Variants in ZPBP observed in about 807,000 individuals in gnomAD.
ZPBP encodes the protein zona pellucida binding protein.
Under a neutral mutation model 44.8 loss-of-function variants are expected in ZPBP, and 26 were observed. That is an observed-to-expected ratio of 0.58 (90% CI 0.43 to 0.81). ZPBP has a LOEUF of 0.81. Among genes scored for constraint, ZPBP ranks in the 30% least tolerant of loss-of-function variants. ZPBP has a pLI of 0.00. For missense variants in ZPBP, 409 were observed against 434.0 expected, an observed-to-expected ratio of 0.94 and a Z score of 0.51; for synonymous variants, 174 against 153.2, an observed-to-expected ratio of 1.14 and a Z score of -1.00.
At chr7:50,070,388 A>G (rs940061910) in intron 3 of ZPBP, among the ~76,000 whole-genome samples, 1 of 152,140 alleles carries the variant, frequency 6.6e-6, no homozygotes, top group South Asian at 2.1e-4. Context: ...AAGTGCTGGT[A>G]TTGTCCTACA....
At chr7:49,936,945 CA>C (rs1794638208), downstream of ZPBP, among the ~76,000 whole-genome samples, 1 of 151,848 alleles carries the variant, frequency 6.6e-6, no homozygotes, top group South Asian at 2.1e-4. Context: ...TCTAAAATGC[CA>C]AAAAGGTAAT....
chr7:50,046,219 T>C (rs1036941499), intron 4 of ZPBP, among the ~76,000 whole-genome samples: 3 of 152,164 alleles, frequency 2.0e-5, no homozygotes, highest in Non-Finnish European at 4.4e-5. Flanking sequence ...GGCAATGCCA[T>C]TCAGGACATA....
intron 7 of ZPBP, among the ~76,000 whole-genome samples, chr7:49,952,498 T>C (rs1199894790): frequency 6.6e-6 from 1 of 152,038 alleles, no homozygotes; most frequent in Non-Finnish European, 1.5e-5. Context: ...AGAACTTCTC[T>C]ATGAGTTTAA....
chr7:49,911,968 A>G (rs1793476958), intron 1 of ZPBP: 2 of 1,038,972 alleles, frequency 1.9e-6, no homozygotes, highest in African/African-American at 2.0e-5. Flanking sequence ...GTAATGCTTA[A>G]TACCTAATTA....
intron 7 of ZPBP, among the ~76,000 whole-genome samples, chr7:49,950,072 G>T (rs987610275): frequency 6.6e-6 from 1 of 151,900 alleles, no homozygotes; most frequent in Non-Finnish European, 1.5e-5. Flanking sequence ...GGCACTGTGT[G>T]TCATAGCAAA....
chr7:50,020,588 T>A lies in ZPBP; in HGVS notation c.707-2272A>T, dbSNP rs1465108588. Among the ~76,000 whole-genome samples, 3 of 152,074 alleles carry A rather than the reference T, an allele frequency of 2.0e-5. No individual in the cohort carries two copies. The East Asian group carries it at 5.8e-4, about 29-fold the overall frequency. Reference sequence around the variant, plus strand: ...AGCTTCTCGCACATCCCCTCTTTATTTAGGCTAGTTGACTAACCTCATCCT... The same window carrying A: ...AGCTTCTCGCACATCCCCTCTTTATATAGGCTAGTTGACTAACCTCATCCT... On this transcript the variant is annotated intron_variant, in intron 5 of 7. Transcript: ENST00000046087.
chr7:50,018,396 G>T, intron 5 of ZPBP, 80 bp from the exon 6 acceptor site: 1 of 1,142,730 alleles, frequency 8.8e-7, no homozygotes, highest in Non-Finnish European at 1.3e-6. Flanking sequence ...AAAATGAAAG[G>T]ATATTCTAAC....
At chr7:49,930,478 C>A (rs1794408856) in intron 1 of ZPBP, among the ~76,000 whole-genome samples, 1 of 151,966 alleles carries the variant, frequency 6.6e-6, no homozygotes, top group Admixed American at 6.5e-5. Context: ...TCAGCAACAG[C>A]AACATTATTA....
At chr7:49,981,685 T>TATCTTGATATAA (rs1356889568) in intron 7 of ZPBP, among the ~76,000 whole-genome samples, 2 of 41,844 alleles carry the variant, frequency 4.8e-5, no homozygotes, top group African/African-American at 3.4e-4. Context: ...TTATATATAA[T>TATCTTGATATAA]AATATATATA....
intron 5 of ZPBP, among the ~76,000 whole-genome samples, chr7:50,023,977 A>G (rs914268665): frequency 2.0e-5 from 3 of 152,024 alleles, no homozygotes; most frequent in South Asian, 4.1e-4. Context: ...AGAAAAGAAT[A>G]TCCAAGAACT....
At chr7:50,055,003 T>A (rs913977260) in intron 4 of ZPBP, among the ~76,000 whole-genome samples, 3 of 152,192 alleles carry the variant, frequency 2.0e-5, no homozygotes, top group Non-Finnish European at 2.9e-5. Flanking sequence ...TTTTAGAAAC[T>A]GAGGTTCTCA....
intron 7 of ZPBP, among the ~76,000 whole-genome samples, chr7:49,940,189 A>G (rs780703286): frequency 6.6e-6 from 1 of 152,132 alleles, no homozygotes; most frequent in Non-Finnish European, 1.5e-5. Context: ...GTGTCTCCCA[A>G]TTCTATCCAT....
chr7:49,840,806 C>T, the ZPBP span, among the ~76,000 whole-genome samples: 3 of 152,216 alleles, frequency 2.0e-5, no homozygotes, highest in Admixed American at 6.5e-5. Context: ...ATTTCAGGTT[C>T]GCAGTGAGTC....
At chr7:49,962,903 T>C (rs974159886) in intron 7 of ZPBP, among the ~76,000 whole-genome samples, 1 of 151,622 alleles carries the variant, frequency 6.6e-6, no homozygotes, top group Non-Finnish European at 1.5e-5. Context: ...TTTGAGAAAC[T>C]TGGTTTTGTC....
intron 1 of ZPBP, among the ~76,000 whole-genome samples, chr7:50,092,049 G>T (rs1428239824): frequency 6.6e-6 from 1 of 152,076 alleles, no homozygotes; most frequent in African/African-American, 2.4e-5. Context: ...CTATATAAGA[G>T]GCCTTCACTA....
chr7:49,897,142 G>A (rs1792428298), intron 2 of ZPBP, among the ~76,000 whole-genome samples: 1 of 151,804 alleles, frequency 6.6e-6, no homozygotes, highest in Non-Finnish European at 1.5e-5. Context: ...TGATCCACCC[G>A]CCTCGGCCTC....
At chr7:50,026,563 A>T (rs1299550698) in intron 5 of ZPBP, among the ~76,000 whole-genome samples, 1 of 151,974 alleles carries the variant, frequency 6.6e-6, no homozygotes, top group Non-Finnish European at 1.5e-5. Context: ...GATGAAAATG[A>T]TATAAAGCAG....
downstream of ZPBP, among the ~76,000 whole-genome samples, chr7:49,849,077 C>T (rs970774831): frequency 1.4e-4 from 21 of 152,190 alleles, no homozygotes; most frequent in East Asian, 3.3e-3. Flanking sequence ...GCGCTTCCCT[C>T]GCATTTCTTG....
intron 1 of ZPBP, chr7:49,916,798 A>T (rs6583398): frequency 6.6e-6 from 1 of 152,146 alleles, no homozygotes; most frequent in African/African-American, 2.4e-5. Flanking sequence ...CTGTCAACTT[A>T]CAAGTATCAA....
Sources: gnomAD v4.1 joint callset for allele counts (sites outside exome capture counted in the v4.1 genomes callset) on GRCh38, gnomAD v4.1.1 for gene constraint, MANE v1.5 for transcripts, NCBI Gene and HGNC (gene_info 2026-07-23, HGNC 2026-07-21) for gene names.